Variants in FRMD3 observed in about 807,000 individuals in gnomAD.
FRMD3 encodes FERM domain-containing protein 3.
A neutral mutation model predicts 70.2 loss-of-function variants in FRMD3; 33 were observed. That is an observed-to-expected ratio of 0.47 (90% CI 0.36 to 0.63). FRMD3 has a LOEUF of 0.63. Ranked by LOEUF, FRMD3 falls within the 20% of genes least tolerant of loss-of-function variation. The pLI is 0.00. For synonymous variants in FRMD3, 279 were observed against 255.9 expected (o/e 1.09, Z -0.86); for missense variants, 632 against 711.4 (o/e 0.89, Z 1.27).
At chr9:83,555,954 C>G in the FRMD3 span, among the ~76,000 whole-genome samples, 4 of 152,186 alleles carry the variant, frequency 2.6e-5, no homozygotes, top group African/African-American at 9.6e-5. Context: ...TCCCCTGGCT[C>G]CATGTTGCTC....
chr9:83,404,404 TC>T (rs983969621), intron 1 of FRMD3, among the ~76,000 whole-genome samples: 1 of 152,194 alleles, frequency 6.6e-6, no homozygotes, highest in Non-Finnish European at 1.5e-5. Context: ...GACAGCAGCT[TC>T]CTGAAGGAAG....
chr9:83,256,453 G>C (rs1934531571), intron 13 of FRMD3, among the ~76,000 whole-genome samples: 1 of 152,122 alleles, frequency 6.6e-6, no homozygotes, highest in Non-Finnish European at 1.5e-5. Flanking sequence ...CCAGGACATA[G>C]GCATGGGCAA....
chr9:83,343,417 A>G, intron 4 of FRMD3, 130 bp from the exon 5 acceptor site: 1 of 633,256 alleles, frequency 1.6e-6, no homozygotes, highest in Non-Finnish European at 2.8e-6. Context: ...AGACATGCCC[A>G]GCCCTTTGTA....
In FRMD3 at chr9:83,537,590, G is replaced by C. The variant is rs1282973818; in HGVS notation, c.147+495C>G. Among the ~76,000 whole-genome samples, 1 of 152,222 alleles carries C rather than the reference G, an allele frequency of 6.6e-6. No homozygotes were observed. Among genetic ancestry groups the C allele is most frequent in the African/African-American group, 2.4e-5 (1 of 41,472 alleles). On this transcript the variant is annotated intron_variant, in intron 1 of 13. Coordinates refer to ENST00000304195, the MANE Select transcript of FRMD3 (RefSeq NM_174938.6). This position sits in a 1 kb window ranked among gnomAD's most constrained non-coding sequence, Gnocchi z 4.1. ...GGAGGGTGAGGGGGACCGACACGGA[G>C]CGGAAAGCAGGTTCCGGGACTGAGG... is the stretch of plus-strand genomic sequence containing the variant.
the FRMD3 span, among the ~76,000 whole-genome samples, chr9:83,584,346 A>C: frequency 6.6e-6 from 1 of 151,694 alleles, no homozygotes; most frequent in African/African-American, 2.4e-5. Context: ...TGAGTCTCTT[A>C]ACCTCCCCCG....
chr9:83,300,501 T>C (rs1260102523), intron 10 of FRMD3, among the ~76,000 whole-genome samples: 1 of 152,188 alleles, frequency 6.6e-6, no homozygotes, highest in Admixed American at 6.5e-5. Flanking sequence ...GCTATGCATA[T>C]GCAAAGGCAT....
intron 1 of FRMD3, 37 bp from the exon 2 acceptor site, chr9:83,389,745 C>G (rs373574412): frequency 2.1e-6 from 3 of 1,453,842 alleles, no homozygotes; most frequent in South Asian, 2.3e-5. Context: ...AGCCAGAGCT[C>G]ACCTTGTGCA....
intron 9 of FRMD3, 57 bp downstream of exon 9, chr9:83,310,428 C>A: frequency 7.3e-7 from 1 of 1,373,112 alleles, no homozygotes. Flanking sequence ...TATTTTACTC[C>A]TGAATCTCTC....
intron 1 of FRMD3, among the ~76,000 whole-genome samples, chr9:83,456,523 C>T (rs1827822013): frequency 1.3e-5 from 2 of 152,322 alleles, no homozygotes; most frequent in Admixed American, 1.3e-4. Flanking sequence ...TCCCACCAGA[C>T]ATTTATAAAA....
At chr9:83,577,170 T>C in the FRMD3 span, among the ~76,000 whole-genome samples, 1 of 152,022 alleles carries the variant, frequency 6.6e-6, no homozygotes, top group Non-Finnish European at 1.5e-5. Flanking sequence ...ATAGATTGAG[T>C]ACAATCCCTA....
At chr9:83,539,455 C>T (rs1173530228), upstream of FRMD3, among the ~76,000 whole-genome samples, 2 of 152,138 alleles carry the variant, frequency 1.3e-5, no homozygotes, top group South Asian at 2.1e-4. Flanking sequence ...TTGCTCTTGC[C>T]GGAGCAGAAC....
chr9:83,433,836 C>A (rs1404195601), intron 1 of FRMD3, among the ~76,000 whole-genome samples: 1 of 152,136 alleles, frequency 6.6e-6, no homozygotes. Context: ...GGTGGTAATG[C>A]CAGCTATGGG....
chr9:83,436,781 GA>G (rs200464485), intron 1 of FRMD3, among the ~76,000 whole-genome samples: 24,911 of 131,836 alleles, frequency 0.19, 2,375 homozygotes, highest in Admixed American at 0.26. Flanking sequence ...GGACCAAGGG[GA>G]AAAAAAAAAA....
intron 1 of FRMD3, among the ~76,000 whole-genome samples, chr9:83,429,665 G>C (rs1255087234): frequency 6.6e-6 from 1 of 152,176 alleles, no homozygotes; most frequent in African/African-American, 2.4e-5. Flanking sequence ...TGAGGCTTCT[G>C]TGAGAATGTG....
At chr9:83,401,190 T>C (rs1471831900) in intron 1 of FRMD3, among the ~76,000 whole-genome samples, 1 of 152,184 alleles carries the variant, frequency 6.6e-6, no homozygotes, top group East Asian at 1.9e-4. Flanking sequence ...AAGAGGAAGA[T>C]AAAACTTAGG....
chr9:83,535,117 T>C (rs915748785), intron 1 of FRMD3, among the ~76,000 whole-genome samples: 8 of 152,218 alleles, frequency 5.3e-5, no homozygotes, highest in African/African-American at 1.9e-4. Flanking sequence ...TATTAGCTTC[T>C]CAGTTTTCTT....
In FRMD3 at chr9:83,290,661, G is replaced by A. The variant is rs1181275427; in HGVS notation, c.1137C>T (p.Pro379=). Residue 379 remains proline (P), a synonymous_variant, in exon 13 of 14, where the codon CCC becomes CCT. Coordinates refer to ENST00000304195, the MANE Select transcript of FRMD3 (RefSeq NM_174938.6). The part of the protein sequence containing the change: ...LNKQLIINME[P]LQPLLPSPSE... Reference sequence around the variant, plus strand: ...TGGGGGAAGGAAGCAGGGGCTGCAGGGGTTCCATGTTAATGATGAGCTGTT... The same window carrying A: ...TGGGGGAAGGAAGCAGGGGCTGCAGAGGTTCCATGTTAATGATGAGCTGTT... The A allele has an allele frequency of 6.2e-7, 1 of 1,614,054 alleles. No homozygotes were observed. The highest frequency in any genetic ancestry group is 8.5e-7 in the Non-Finnish European group (1 of 1,179,950).
chr9:83,378,997 T>C lies in FRMD3; in HGVS notation c.253-6042A>G, dbSNP rs140842771. Among the ~76,000 whole-genome samples, 1,235 of 150,910 alleles carry C rather than the reference T, an allele frequency of 8.2e-3. 19 individuals carry two copies. Among genetic ancestry groups the C allele is most frequent in the African/African-American group, 0.029 (1,190 of 41,030 alleles). ...CCTGCCTCAGCCTCTCAAAGTGCTG[T>C]GATTAACTGTGTGAGCCACCACGCC... On this transcript the variant is annotated intron_variant, in intron 2 of 13. Transcript: ENST00000304195.
chr9:83,319,105 C>T (rs1018307396), intron 6 of FRMD3, among the ~76,000 whole-genome samples: 2 of 151,904 alleles, frequency 1.3e-5, no homozygotes, highest in Admixed American at 1.3e-4. Context: ...TGTCTGTTTA[C>T]TCTGTTAATT....
Sources: allele counts gnomAD v4.1 joint callset (sites outside exome capture counted in the v4.1 genomes callset), GRCh38; gene constraint gnomAD v4.1.1; non-coding constraint Gnocchi (gnomAD v3.1); transcripts MANE v1.5; gene names NCBI Gene and HGNC (gene_info 2026-07-23, HGNC 2026-07-21).